Variants in COL19A1 observed in about 807,000 individuals in gnomAD.
The protein encoded by COL19A1 is collagen type XIX alpha 1 chain, also known as collagen alpha-1(XIX) chain.
COL19A1 carries 159 observed loss-of-function variants against 190.2 expected under a neutral mutation model. That is an observed-to-expected ratio of 0.84 (90% confidence interval 0.73 to 0.95). The LOEUF (loss-of-function observed/expected upper bound fraction) is 0.95, where lower values mean the gene tolerates loss of function less well. Among genes scored for constraint, COL19A1 ranks in the 40% least tolerant of loss-of-function variants. COL19A1 has a pLI of 0.00. For missense variants in COL19A1, 1,418 were observed against 1,431.9 expected (o/e 0.99, Z 0.16); for synonymous variants, 509 against 458.9 (o/e 1.11, Z -1.39).
At chr6:69,880,464 G>A (rs1321147394) in intron 2 of COL19A1, among the ~76,000 whole-genome samples, 5 of 152,164 alleles carry the variant, frequency 3.3e-5, no homozygotes, top group African/African-American at 1.2e-4. Context: ...ATATGATTAT[G>A]TACTCTGAGA....
chr6:69,878,750 T>C (rs1442881888), intron 1 of COL19A1, among the ~76,000 whole-genome samples: 1 of 152,222 alleles, frequency 6.6e-6, no homozygotes, highest in East Asian at 1.9e-4. Context: ...GATATTTGTA[T>C]ATCCATGTTC....
At chr6:70,009,773 T>C (rs1025193899) in intron 11 of COL19A1, among the ~76,000 whole-genome samples, 8 of 152,146 alleles carry the variant, frequency 5.3e-5, no homozygotes, top group African/African-American at 1.7e-4. Context: ...AGAGTCAAAA[T>C]GTAAACCCAC....
At chr6:69,891,868 C>G (rs1055101437) in intron 2 of COL19A1, among the ~76,000 whole-genome samples, 1 of 152,144 alleles carries the variant, frequency 6.6e-6, no homozygotes, top group African/African-American at 2.4e-5. Context: ...TTTTAACTTC[C>G]ATTATTGTCT....
intron 12 of COL19A1, among the ~76,000 whole-genome samples, chr6:70,031,557 G>A (rs1779076712): frequency 6.6e-6 from 1 of 151,976 alleles, no homozygotes; most frequent in African/African-American, 2.4e-5. Context: ...AAAGAACATG[G>A]AATATTTGTC....
intron 48 of COL19A1, among the ~76,000 whole-genome samples, chr6:70,199,155 C>G (rs1767392656): frequency 6.6e-6 from 1 of 152,208 alleles, no homozygotes; most frequent in Admixed American, 6.5e-5. Flanking sequence ...CCATTCAAAA[C>G]TAGGAGAATT....
intron 11 of COL19A1, among the ~76,000 whole-genome samples, chr6:70,020,760 T>C (rs927658350): frequency 6.6e-6 from 1 of 152,112 alleles, no homozygotes; most frequent in East Asian, 1.9e-4. Context: ...CATCCTACAA[T>C]GTACAGGACT....
intron 15 of COL19A1, among the ~76,000 whole-genome samples, chr6:70,073,391 G>C (rs1191624356): frequency 2.0e-5 from 3 of 152,238 alleles, no homozygotes; most frequent in Admixed American, 6.5e-5. Context: ...TTAGAAAATG[G>C]AGATGCTAAT....
intron 11 of COL19A1, among the ~76,000 whole-genome samples, chr6:70,007,978 A>T (rs1047975995): frequency 6.6e-6 from 1 of 152,008 alleles, no homozygotes; most frequent in Non-Finnish European, 1.5e-5. Flanking sequence ...AACACCCTGT[A>T]GGTCAAAGAA....
chr6:69,912,209 G>A (rs1161642641), intron 4 of COL19A1, among the ~76,000 whole-genome samples: 2 of 152,022 alleles, frequency 1.3e-5, no homozygotes, highest in African/African-American at 2.4e-5. Context: ...TGTCCTTCAA[G>A]TTTCCTTCTT....
chr6:70,130,626 T>A (rs3828773), intron 18 of COL19A1, among the ~76,000 whole-genome samples: 28,924 of 152,242 alleles, frequency 0.19, 3,290 homozygotes, highest in Non-Finnish European at 0.26. Flanking sequence ...GGGTTGCATC[T>A]CTGGGAGGGT....
intron 17 of COL19A1, among the ~76,000 whole-genome samples, chr6:70,122,229 T>C (rs1204213076): frequency 1.3e-5 from 2 of 152,184 alleles, no homozygotes; most frequent in Non-Finnish European, 2.9e-5. Context: ...ATCATAGATC[T>C]AGCCTCTCTG....
At chr6:69,911,170 T>G (rs918409457) in intron 4 of COL19A1, among the ~76,000 whole-genome samples, 1 of 152,246 alleles carries the variant, frequency 6.6e-6, no homozygotes, top group African/African-American at 2.4e-5. Context: ...TAATAAACTT[T>G]GAAATCTATG....
intron 40 of COL19A1, among the ~76,000 whole-genome samples, chr6:70,168,997 A>C (rs1442071100): frequency 1.3e-5 from 2 of 152,094 alleles, no homozygotes; most frequent in Admixed American, 1.3e-4. Context: ...CTGATAATTG[A>C]TTCAATTTTA....
intron 26 of COL19A1, 50 bp downstream of exon 26, chr6:70,146,753 A>G (rs754439146): frequency 7.5e-6 from 12 of 1,592,766 alleles, no homozygotes; most frequent in East Asian, 4.5e-5. Context: ...TTAACAAAAT[A>G]CAGCAGAAAA....
intron 48 of COL19A1, among the ~76,000 whole-genome samples, chr6:70,199,385 G>C (rs183330832): frequency 1.1e-4 from 17 of 152,328 alleles, no homozygotes; most frequent in Middle Eastern, 3.4e-3. Context: ...AAAATTCTCA[G>C]ACTTTCTGAG....
chr6:70,179,228 A>C (rs1033884848), intron 42 of COL19A1, among the ~76,000 whole-genome samples: 1 of 152,144 alleles, frequency 6.6e-6, no homozygotes, highest in Non-Finnish European at 1.5e-5. Flanking sequence ...CGGAATTCTA[A>C]GCAGCAAGTT....
rs187501671 is a variant in COL19A1 at position 70,084,746 on chromosome 6, C to T, written c.1224+16270C>T. 2.0e-5 allele frequency among the ~76,000 whole-genome samples: 3 copies of T among 152,308 alleles called. No homozygotes were observed. The East Asian group carries it at 5.8e-4, about 29-fold the overall frequency. ...GAGTGGCTTTGGTGAAGCCAACCAA[C>T]CCACAGACCTTACCTCTATAAGGAG... is the stretch of plus-strand genomic sequence containing the variant. On this transcript the variant is annotated intron_variant, in intron 15 of 50. Coordinates refer to ENST00000620364, the MANE Select transcript of COL19A1 (RefSeq NM_001858.6).
At position 70,035,670 on chromosome 6, in the gene COL19A1, A is replaced by G. The variant is rs560675609; in HGVS notation, c.1135-234A>G. Among the ~76,000 whole-genome samples the G allele has an allele frequency of 5.9e-5, 9 of 152,352 alleles. No homozygotes were observed. The South Asian group carries it at 1.9e-3, about 32-fold the overall frequency. On this transcript the variant is annotated intron_variant, in intron 13 of 50. Transcript: ENST00000620364. ...GAAAATTAGATTATTTTCGCTTTCAAAACAAGTCCTGCTGTTGCAAAAAGC... is the reference window on the plus strand; with the variant it reads ...GAAAATTAGATTATTTTCGCTTTCAGAACAAGTCCTGCTGTTGCAAAAAGC...
intron 2 of COL19A1, chr6:69,891,178 A>T (rs2096058): frequency 0.08 from 12,272 of 152,800 alleles, 619 homozygotes; most frequent in East Asian, 0.2. Context: ...TTGCACAGGG[A>T]GAGGGAGGCC....
Sources: gnomAD v4.1 joint callset for allele counts (sites outside exome capture counted in the v4.1 genomes callset) on GRCh38, gnomAD v4.1.1 for gene constraint, MANE v1.5 for transcripts, NCBI Gene and HGNC (gene_info 2026-07-23, HGNC 2026-07-21) for gene names.